The following MCTP1 variants were observed in gnomAD, a reference collection of about 807,000 sequenced individuals.
MCTP1 encodes the protein multiple C2 and transmembrane domain containing 1.
MCTP1 carries 69 observed loss-of-function variants against 120.6 expected under a neutral mutation model. That is an observed-to-expected ratio of 0.57 (90% CI 0.47 to 0.70). MCTP1 has a LOEUF of 0.70. Among genes scored for constraint, MCTP1 ranks in the 30% least tolerant of loss-of-function variants. The pLI is 0.00. For missense variants in MCTP1, 1,203 were observed against 1,248.8 expected, an observed-to-expected ratio of 0.96 and a Z score of 0.55; for synonymous variants, 529 against 493.1, an observed-to-expected ratio of 1.07 and a Z score of -0.96.
intron 1 of MCTP1, among the ~76,000 whole-genome samples, chr5:95,138,239 C>A (rs1308056160): frequency 6.6e-6 from 1 of 150,640 alleles, no homozygotes; most frequent in East Asian, 2.0e-4. Flanking sequence ...TGCAACCCCC[C>A]CCCGACATTA....
Position 95,148,626 on chromosome 5 carries a change from G to A in MCTP1, c.721-131142C>T, listed in dbSNP as rs150113511. 1.1e-3 allele frequency among the ~76,000 whole-genome samples: 166 copies of A among 152,186 alleles called. 2 individuals are homozygous for A. The highest frequency in any genetic ancestry group is 3.8e-3 in the African/African-American group (159 of 41,500). ...CTGGATTCCTTGGATTCCTTGGATT[G>A]GGTTTCAACTTTTTCTTGGATCTCA... On this transcript the variant is annotated intron_variant, in intron 1 of 22. Transcript: ENST00000515393.
In MCTP1 at chr5:94,785,554, C is replaced by T. The variant is rs543761611; in HGVS notation, c.2557-6391G>A. Among the ~76,000 whole-genome samples the T allele has an allele frequency of 2.8e-4, 42 of 152,172 alleles. 1 individual carries two copies. In the South Asian group the frequency reaches 8.3e-3, roughly 30 times the overall value. On this transcript the variant is annotated intron_variant, in intron 18 of 22. Transcript: ENST00000515393. The stretch of plus-strand genomic sequence containing the variant: ...CTTTGCAAGTAAAATTAAAAGCTAA[C>T]TCTACTCACCACGAATCTACTTTAT...
chr5:95,222,205 T>C (rs1417245347), intron 1 of MCTP1, among the ~76,000 whole-genome samples: 4 of 152,222 alleles, frequency 2.6e-5, no homozygotes, highest in African/African-American at 9.6e-5. Context: ...CAGTCCCTGA[T>C]GGCTGCCTGC....
chr5:95,210,899 G>T lies in MCTP1; in HGVS notation c.720+72957C>A, dbSNP rs909499841. On this transcript the variant is annotated intron_variant, in intron 1 of 22. Transcript: ENST00000515393. ...TGACAAAATCTCTCAGCATTTGCTTGTGTGTAAAGGATTTTATTTCTCCTT... is the reference window on the plus strand; with the variant it reads ...TGACAAAATCTCTCAGCATTTGCTTTTGTGTAAAGGATTTTATTTCTCCTT... Among the ~76,000 whole-genome samples the T allele has an allele frequency of 4.6e-5, 7 of 152,176 alleles. No individual in the cohort carries two copies. In the South Asian group the frequency reaches 1.0e-3, roughly 23 times the overall value.
At chr5:94,860,084 A>T (rs1795466867) in intron 17 of MCTP1, among the ~76,000 whole-genome samples, 1 of 151,448 alleles carries the variant, frequency 6.6e-6, no homozygotes, top group Admixed American at 6.6e-5. Context: ...CAATAGTAAA[A>T]TTTTTTTTGA....
At chr5:95,086,423 T>C (rs191849547) in intron 1 of MCTP1, among the ~76,000 whole-genome samples, 11 of 152,328 alleles carry the variant, frequency 7.2e-5, no homozygotes, top group Admixed American at 5.2e-4. Context: ...TATTTAATTT[T>C]ACAGTAGTGT....
intron 1 of MCTP1, among the ~76,000 whole-genome samples, chr5:95,203,901 C>T (rs1751341215): frequency 6.6e-6 from 1 of 152,170 alleles, no homozygotes; most frequent in African/African-American, 2.4e-5. Context: ...CAATATTTAT[C>T]ATTTTAGATC....
intron 1 of MCTP1, among the ~76,000 whole-genome samples, chr5:95,281,855 C>T (rs1760352044): frequency 6.6e-6 from 1 of 152,158 alleles, no homozygotes; most frequent in Non-Finnish European, 1.5e-5. Context: ...TATACGTAAA[C>T]TTGCAAGGCT....
At chr5:94,997,140 C>T (rs1832776631) in intron 2 of MCTP1, among the ~76,000 whole-genome samples, 1 of 152,058 alleles carries the variant, frequency 6.6e-6, no homozygotes, top group Non-Finnish European at 1.5e-5. Flanking sequence ...TTCCTGCCCC[C>T]ACACTTGCAT....
chr5:95,044,821 C>CCCTAGT (rs60097026), intron 1 of MCTP1, among the ~76,000 whole-genome samples: 1,676 of 152,036 alleles, frequency 0.011, 32 homozygotes, highest in African/African-American at 0.039. Flanking sequence ...TCCCCAGACC[C>CCCTAGT]CCTAGTCCGA....
At chr5:95,136,531 A>C (rs984456854) in intron 1 of MCTP1, among the ~76,000 whole-genome samples, 8 of 152,134 alleles carry the variant, frequency 5.3e-5, no homozygotes, top group Non-Finnish European at 1.0e-4. Flanking sequence ...AGTTGGGGAC[A>C]GGGAAAATTC....
chr5:94,890,484 CA>C (rs993482111), intron 11 of MCTP1, among the ~76,000 whole-genome samples: 20 of 152,028 alleles, frequency 1.3e-4, no homozygotes. Context: ...GTATTTATTT[CA>C]AAAGACTACT....
chr5:95,284,122 A>T lies in MCTP1; in HGVS notation c.454T>A (p.Ser152Thr). Residue 152 changes from serine (S) to threonine (T), a missense_variant, in exon 1 of 23, where the codon TCC becomes ACC. Ser to Thr is a moderately conservative substitution (Grantham distance 58). Transcript: ENST00000515393. The surrounding 1 kb of genome is among the most constrained non-coding windows in gnomAD (Gnocchi z 5.2). ...GAAGAGGAAGGAGCTGAGTCGGGGG[A>T]GCGTCCGCCAGGAGGCGTCCCTCCC... Reference protein sequence around the residue: ...AAGGTPPGGRSPDSAPSSSSA... With the variant: ...AAGGTPPGGRTPDSAPSSSSA... The T allele has an allele frequency of 6.5e-7, 1 of 1,549,562 alleles. No individual in the cohort carries two copies. Among genetic ancestry groups the T allele is most frequent in the Non-Finnish European group, 8.7e-7 (1 of 1,146,910 alleles).
intron 7 of MCTP1, among the ~76,000 whole-genome samples, 183 bp from the exon 8 acceptor site, chr5:94,918,156 T>G (rs1275840246): frequency 6.6e-6 from 1 of 152,226 alleles, no homozygotes; most frequent in Non-Finnish European, 1.5e-5. Context: ...AATGCAATTC[T>G]ACATTTCCAG....
intron 2 of MCTP1, among the ~76,000 whole-genome samples, chr5:94,964,564 T>C (rs1273086019): frequency 6.6e-6 from 1 of 152,236 alleles, no homozygotes; most frequent in African/African-American, 2.4e-5. Context: ...ACAATTGTTA[T>C]GTCCTCTTAA....
At chr5:95,124,695 A>G (rs1280818032) in intron 1 of MCTP1, among the ~76,000 whole-genome samples, 2 of 152,228 alleles carry the variant, frequency 1.3e-5, no homozygotes, top group Non-Finnish European at 2.9e-5. Flanking sequence ...CTACGTTTGT[A>G]GAACTTATAC....
chr5:94,820,346 T>A (rs1288303162), intron 17 of MCTP1, among the ~76,000 whole-genome samples: 1 of 152,224 alleles, frequency 6.6e-6, no homozygotes, highest in Non-Finnish European at 1.5e-5. Flanking sequence ...TAGCAAGTTT[T>A]GGCGAAGGAC....
chr5:94,778,957 T>C (rs1242466937), intron 19 of MCTP1, among the ~76,000 whole-genome samples, 153 bp downstream of exon 19: 1 of 152,200 alleles, frequency 6.6e-6, no homozygotes, highest in Non-Finnish European at 1.5e-5. Context: ...TCTCCCTCTT[T>C]GCAACACGCA....
chr5:94,965,531 T>TA (rs35584542), intron 2 of MCTP1, among the ~76,000 whole-genome samples: 79,783 of 151,838 alleles, frequency 0.53, 21,151 homozygotes, highest in African/African-American at 0.58. Context: ...TGGTTTTTTT[T>TA]ATCAGTCTTT....
Sources: allele counts gnomAD v4.1 joint callset (sites outside exome capture counted in the v4.1 genomes callset), GRCh38; gene constraint gnomAD v4.1.1; non-coding constraint Gnocchi (gnomAD v3.1); transcripts MANE v1.5; gene names NCBI Gene and HGNC (gene_info 2026-07-23, HGNC 2026-07-21).